CCNT2: variants seen among roughly 807,000 people sequenced by gnomAD.
CCNT2 encodes the protein cyclin-T2.
CCNT2 carries 18 observed loss-of-function variants against 70.0 expected under a neutral mutation model. The observed-to-expected ratio is 0.26, with a 90% CI of 0.18 to 0.38. The LOEUF is 0.38. CCNT2 is among the 10% of genes least tolerant of loss of function. CCNT2 has a pLI of 1.00. For synonymous variants in CCNT2, 334 were observed against 313.3 expected (o/e 1.07, Z -0.70); for missense variants, 734 against 890.2 (o/e 0.82, Z 2.23).
chr2:134,946,163 T>G lies in CCNT2; in HGVS notation c.539+17T>G, dbSNP rs1391815204. On this transcript the variant is annotated intron_variant, in intron 6 of 8. Coordinates refer to ENST00000264157, the MANE Select transcript of CCNT2 (RefSeq NM_058241.3). ...TACCAACAGGTTGTTATCCTGACCC[T>G]CTTTGTTGCACTGTTGTAGCACACT... 2 of 1,608,588 alleles carry G rather than the reference T, an allele frequency of 1.2e-6. No individual in the cohort carries two copies. The highest frequency in any genetic ancestry group is 1.7e-5 in the Admixed American group (1 of 59,790).
Position 134,953,816 on chromosome 2 carries a change from A to T in CCNT2, c.1361A>T (p.Asp454Val). The T allele has an allele frequency of 1.2e-6, 2 of 1,614,100 alleles. No homozygotes were observed. The highest frequency in any genetic ancestry group is 1.7e-6 in the Non-Finnish European group (2 of 1,179,958). The change falls in exon 9 of 9, where the codon GAT (aspartate) becomes GTT (valine). Residue 454 changes from aspartate (D) to valine (V), a missense_variant. Physicochemically the swap from Asp to Val is radical, Grantham distance 152. This residue lies in a region of CCNT2 where 532 missense variants were observed against 556.9 expected (regional missense o/e 0.96). Coordinates refer to ENST00000264157, the MANE Select transcript of CCNT2 (RefSeq NM_058241.3). Reference protein sequence around the residue: ...KLETLDLDVRDHYIAAQVEQQ... With the variant: ...KLETLDLDVRVHYIAAQVEQQ... Reference sequence around the variant, plus strand: ...GAAACTCTTGATCTCGATGTAAGGGATCATTATATAGCTGCCCAGGTAGAA... The same window carrying T: ...GAAACTCTTGATCTCGATGTAAGGGTTCATTATATAGCTGCCCAGGTAGAA...
intron 5 of CCNT2, chr2:134,945,072 C>T: frequency 1.0e-6 from 1 of 985,366 alleles, no homozygotes; most frequent in Non-Finnish European, 1.2e-6. Context: ...CCCTCCCCAC[C>T]AGGAAAGTCA....
rs1681680059 is a variant in CCNT2, at chr2:134,942,986, A to G, written c.493+312A>G. On this transcript the variant is annotated intron_variant, in intron 5 of 8. Coordinates refer to ENST00000264157, the MANE Select transcript of CCNT2 (RefSeq NM_058241.3). ...CCATTTCAGTCAAGTGTGGGCCAAT[A>G]GTGCATAGGTTCAGAAAATAATATT... 6.1e-6 allele frequency: 6 copies of G among 985,280 alleles called. No homozygotes were observed. In the South Asian group the frequency reaches 2.3e-4, roughly 39 times the overall value. 61.0% of individuals were successfully genotyped at this position (985,280 alleles called of 1,614,324 possible). A position where few individuals can be genotyped will look rare whatever the true frequency, so the allele number is the denominator to read the frequency against.
chr2:134,954,034 A>G lies in CCNT2; in HGVS notation c.1579A>G (p.Ile527Val). The stretch of plus-strand genomic sequence containing the variant: ...CAGTAAAGAAGAACTGAAAATGAAA[A>G]TAAAAGTTTCTTCTTCAGAAAGACA... ...SASKEELKMK[I>V]KVSSSERHSS... The change falls in exon 9 of 9, where the codon ATA becomes GTA. Residue 527 changes from isoleucine (I) to valine (V), a missense_variant. Transcript: ENST00000264157. 6.2e-7 allele frequency: 1 copy of G among 1,614,196 alleles called. No individual in the cohort carries two copies. The highest frequency in any genetic ancestry group is 1.3e-5 in the African/African-American group (1 of 75,036).
At chr2:134,919,053 T>C in intron 1 of CCNT2, 41 bp downstream of exon 1, 1 of 1,546,604 alleles carries the variant, frequency 6.5e-7, no homozygotes, top group Non-Finnish European at 8.7e-7. Flanking sequence ...CCTGTTTCCC[T>C]TGCCCGGTCG....
chr2:134,951,084 A>C (rs1329419470), intron 7 of CCNT2, among the ~76,000 whole-genome samples: 1 of 150,052 alleles, frequency 6.7e-6, no homozygotes, highest in East Asian at 2.0e-4. Flanking sequence ...AGGTCTGGGC[A>C]TTAGGGTTTT....
At chr2:134,950,917 T>A (rs1276826828) in intron 7 of CCNT2, among the ~76,000 whole-genome samples, 4 of 152,196 alleles carry the variant, frequency 2.6e-5, no homozygotes, top group Non-Finnish European at 5.9e-5. Flanking sequence ...AAGCTTACAT[T>A]TTGTGTACGA....
chr2:134,930,370 T>TA (rs1250495734), intron 2 of CCNT2, among the ~76,000 whole-genome samples: 1 of 152,262 alleles, frequency 6.6e-6, no homozygotes, highest in Non-Finnish European at 1.5e-5. Context: ...TACCTCTTTT[T>TA]ATTTATCCAT....
intron 7 of CCNT2, 111 bp downstream of exon 7, chr2:134,948,010 A>T: frequency 1.8e-6 from 1 of 567,180 alleles, no homozygotes; most frequent in Non-Finnish European, 2.9e-6. Context: ...GAAAACAACA[A>T]TTCATCAGCC....
At position 134,954,189 on chromosome 2, in the gene CCNT2, G is replaced by A. The variant is rs774421328; in HGVS notation, c.1734G>A (p.Ser578=). The change falls in exon 9 of 9, where the codon TCG becomes TCA. Residue 578 remains serine (S), a synonymous_variant. Transcript: ENST00000264157. ...CCAGCAGCCACAAGCATTCCCACTC[G>A]CATAGTGGCAGCAGCAGCGGTGGCA... The part of the protein sequence containing the change: ...HHTSSHKHSH[S]HSGSSSGGSK... 3.3e-5 allele frequency: 53 copies of A among 1,613,972 alleles called. 2 individuals carry two copies. In the Admixed American group the frequency reaches 4.8e-4, roughly 15 times the overall value.
chr2:134,958,560 G>T lies in CCNT2; in HGVS notation c.*3912G>T, dbSNP rs763083703. 1 of 152,218 alleles carries T rather than the reference G, an allele frequency of 6.6e-6. No individual in the cohort carries two copies. The highest frequency in any genetic ancestry group is 6.5e-5 in the Admixed American group (1 of 15,288). The allele number at this position is 152,218 out of a possible 1,614,324, so 9.4% of individuals were successfully genotyped here. On this transcript the variant is annotated 3_prime_UTR_variant, in exon 9 of 9. Coordinates refer to ENST00000264157, the MANE Select transcript of CCNT2 (RefSeq NM_058241.3). The stretch of plus-strand genomic sequence containing the variant: ...CACATTCTCTGACCTTGGGTACCAA[G>T]CTATGATACTAATTTGAGAATCACA...
chr2:134,953,356 T>G lies in CCNT2; in HGVS notation c.901T>G (p.Phe301Val). ...CACTGGTGTGCCTACAAACCCAAGT[T>G]TTCAGAAACCATCTACATCAGCATT... ...SVTGVPTNPS[F>V]QKPSTSAFPA... Residue 301 changes from phenylalanine to valine, a missense_variant, in exon 9 of 9, where the codon TTT becomes GTT. This residue lies in a region of CCNT2 where 532 missense variants were observed against 556.9 expected (regional missense o/e 0.96). Coordinates refer to ENST00000264157, the MANE Select transcript of CCNT2 (RefSeq NM_058241.3). The G allele has an allele frequency of 6.2e-7, 1 of 1,605,316 alleles. No individual in the cohort carries two copies. The highest frequency in any genetic ancestry group is 2.3e-5 in the East Asian group (1 of 44,394).
intron 4 of CCNT2, among the ~76,000 whole-genome samples, chr2:134,940,568 G>A (rs75626308): frequency 0.058 from 8,815 of 152,108 alleles, 396 homozygotes; most frequent in African/African-American, 0.13. Context: ...TTAATAATAC[G>A]TAACTGTACT....
At chr2:134,936,639 C>T (rs550251886) in intron 2 of CCNT2, among the ~76,000 whole-genome samples, 23 of 151,836 alleles carry the variant, frequency 1.5e-4, no homozygotes, top group Non-Finnish European at 3.2e-4. Flanking sequence ...TGTAATCCCA[C>T]CTTCTCAGGG....
intron 3 of CCNT2, among the ~76,000 whole-genome samples, chr2:134,937,697 C>G (rs1015209122): frequency 5.3e-5 from 8 of 152,152 alleles, no homozygotes; most frequent in African/African-American, 1.9e-4. Context: ...AGGCGGATCA[C>G]CTGAGGTCGG....
intron 2 of CCNT2, among the ~76,000 whole-genome samples, chr2:134,936,319 C>T (rs576962534): frequency 2.0e-5 from 3 of 151,966 alleles, no homozygotes; most frequent in Admixed American, 6.6e-5. Flanking sequence ...ATGTGCAAAA[C>T]GAGTAAAACA....
intron 7 of CCNT2, among the ~76,000 whole-genome samples, chr2:134,949,818 G>GA (rs1682327833): frequency 1.5e-5 from 2 of 134,406 alleles, no homozygotes; most frequent in African/African-American, 5.3e-5. Context: ...GGGGGTGGGG[G>GA]ACAGAGTCTC....
chr2:134,934,039 T>C (rs1177169200), intron 2 of CCNT2, among the ~76,000 whole-genome samples: 2 of 152,196 alleles, frequency 1.3e-5, no homozygotes, highest in African/African-American at 4.8e-5. Flanking sequence ...GTCTCCATGA[T>C]TTGTATGATA....
At position 134,955,822 on chromosome 2, in the gene CCNT2, G is replaced by GA. The variant is rs1682888880; in HGVS notation, c.*1178dup. On this transcript the variant is annotated 3_prime_UTR_variant, in exon 9 of 9. Coordinates refer to ENST00000264157, the MANE Select transcript of CCNT2 (RefSeq NM_058241.3). ...TTATATTCTAACAATAAATAAAAAA[G>GA]AAAAGATTACTGACTGTGCATTGTA... 6.6e-6 allele frequency: 1 copy of GA among 152,194 alleles called. No individual in the cohort carries two copies. The highest frequency in any genetic ancestry group is 6.6e-5 in the Admixed American group (1 of 15,234). 9.4% of individuals were successfully genotyped at this position (152,194 alleles called of 1,614,324 possible). A position where few individuals can be genotyped will look rare whatever the true frequency, so the allele number is the denominator to read the frequency against.
Sources: allele counts gnomAD v4.1 joint callset (sites outside exome capture counted in the v4.1 genomes callset), GRCh38; gene constraint gnomAD v4.1.1; regional missense constraint gnomAD v4.1.1; transcripts MANE v1.5; gene names NCBI Gene and HGNC (gene_info 2026-07-23, HGNC 2026-07-21).